Variants in IL12RB2 observed in about 807,000 individuals in gnomAD.
The protein encoded by IL12RB2 is interleukin-12 receptor subunit beta-2.
IL12RB2 carries 82 observed loss-of-function variants against 89.4 expected under a neutral mutation model. That is an observed-to-expected ratio of 0.92 (90% CI 0.77 to 1.10). IL12RB2 has a LOEUF of 1.10. IL12RB2 is among the 50% of genes least tolerant of loss of function. The pLI is 0.00. For synonymous variants in IL12RB2, 368 were observed against 370.1 expected (o/e 0.99, Z 0.07); for missense variants, 963 against 1,031.9 (o/e 0.93, Z 0.92).
At chr1:67,342,744 A>C (rs1659784815) in intron 9 of IL12RB2, among the ~76,000 whole-genome samples, 1 of 142,574 alleles carries the variant, frequency 7.0e-6, no homozygotes, top group Admixed American at 7.3e-5. Context: ...ATCTTGTACT[A>C]CTTTTTAAAA....
rs1206626828 is a variant in IL12RB2 at position 67,321,774 on chromosome 1, C to T, written c.249C>T (p.His83=). 1.4e-5 allele frequency: 23 copies of T among 1,611,218 alleles called. No homozygotes were observed. Among genetic ancestry groups the T allele is most frequent in the East Asian group, 4.5e-5 (2 of 44,866 alleles). The change falls in exon 4 of 17, where the codon CAC becomes CAT. Residue 83 remains histidine, a synonymous_variant. Transcript: ENST00000674203. The part of the protein sequence containing the change: ...FDRRINFHHG[H]SLNSQVTGLP... ...GAAGAATCAATTTTCACCATGGCCA[C>T]TCCCTCAATTCTCAAGTCACAGGTC...
intron 10 of IL12RB2, among the ~76,000 whole-genome samples, chr1:67,367,455 G>C (rs976804213): frequency 5.0e-5 from 4 of 79,780 alleles, no homozygotes; most frequent in African/African-American, 1.7e-4. Context: ...AGGAAGGAAA[G>C]GAACGAGGGA....
intron 4 of IL12RB2, among the ~76,000 whole-genome samples, chr1:67,322,434 A>G (rs1418282307): frequency 2.7e-5 from 1 of 36,660 alleles, no homozygotes; most frequent in Non-Finnish European, 9.1e-5. Context: ...AACTGACTCC[A>G]GCAAAAAAAA....
chr1:67,328,305 T>C lies in IL12RB2; in HGVS notation c.585T>C (p.Asn195=). ...TCACCCCTGAATCACCTGAATCCAA[T>C]TTCACAGCCAAGGTTACTGCTGTCA... ...INLTPESPES[N]FTAKVTAVNS... is the part of the protein sequence containing the mutation. The change falls in exon 6 of 17, where the codon AAT becomes AAC. Residue 195 remains asparagine, a synonymous_variant. Transcript: ENST00000674203. The C allele has an allele frequency of 6.2e-7, 1 of 1,614,184 alleles. No homozygotes were observed. Among genetic ancestry groups the C allele is most frequent in the Non-Finnish European group, 8.5e-7 (1 of 1,180,024 alleles).
Position 67,397,155 on chromosome 1 carries a change from C to T in IL12RB2, c.*1066C>T, listed in dbSNP as rs568836818. ...AAAGAAAAAAAAAAAAAAGAATGTACCTTTTTCCTAGATTTGCTGGTTTAT... is the reference window on the plus strand; with the variant it reads ...AAAGAAAAAAAAAAAAAAGAATGTATCTTTTTCCTAGATTTGCTGGTTTAT... On this transcript the variant is annotated 3_prime_UTR_variant, in exon 17 of 17. Transcript: ENST00000674203. Among the ~76,000 whole-genome samples, 3 of 151,804 alleles carry T rather than the reference C, an allele frequency of 2.0e-5. No individual in the cohort carries two copies. Among genetic ancestry groups the T allele is most frequent in the African/African-American group, 4.8e-5 (2 of 41,400 alleles).
chr1:67,379,486 G>T (rs1664340377), intron 13 of IL12RB2, among the ~76,000 whole-genome samples: 1 of 127,560 alleles, frequency 7.8e-6, no homozygotes, highest in Admixed American at 9.8e-5. Flanking sequence ...CTCCAGCCTG[G>T]GCGACAGAGC....
intron 1 of IL12RB2, among the ~76,000 whole-genome samples, chr1:67,312,962 G>T (rs112401754): frequency 0.035 from 5,401 of 152,300 alleles, 126 homozygotes; most frequent in Admixed American, 0.065. Context: ...AGTAGAAAAG[G>T]TTATGCATTT....
rs1225873818 is a variant in IL12RB2 at position 67,350,970 on chromosome 1, A to G, written c.1139A>G (p.His380Arg). ...GKAMTQNITG[H>R]TSWTTVIPRT... ...GCCATGACACAGAACATCACAGGAC[A>G]CACCTCCTGGACCACAGTCATTCCT... is the stretch of plus-strand genomic sequence containing the variant. Residue 380 changes from histidine (H) to arginine (R), a missense_variant, in exon 10 of 17, where the codon CAC (histidine) becomes CGC (arginine). By Grantham distance (29) the His-to-Arg change is conservative. Transcript: ENST00000674203. The G allele has an allele frequency of 6.2e-7, 1 of 1,614,038 alleles. No homozygotes were observed. The highest frequency in any genetic ancestry group is 1.7e-5 in the Admixed American group (1 of 59,996).
chr1:67,348,183 A>C (rs975456666), intron 9 of IL12RB2, among the ~76,000 whole-genome samples: 2 of 152,140 alleles, frequency 1.3e-5, no homozygotes, highest in South Asian at 4.1e-4. Context: ...AACTCTGGAA[A>C]AAAAGGGATT....
intron 11 of IL12RB2, among the ~76,000 whole-genome samples, chr1:67,369,804 C>T (rs570136376): frequency 5.1e-4 from 78 of 152,070 alleles, no homozygotes; most frequent in African/African-American, 1.6e-3. Context: ...CTTTGGGAGG[C>T]GGAGGTCAGG....
chr1:67,345,329 C>T (rs1167616177), intron 9 of IL12RB2, among the ~76,000 whole-genome samples: 1 of 152,228 alleles, frequency 6.6e-6, no homozygotes, highest in African/African-American at 2.4e-5. Context: ...TACCAATTTA[C>T]GGCACAGCCT....
intron 9 of IL12RB2, among the ~76,000 whole-genome samples, chr1:67,339,669 CAAA>C (rs952947197): frequency 6.6e-6 from 1 of 152,052 alleles, no homozygotes; most frequent in Non-Finnish European, 1.5e-5. Flanking sequence ...TTAATCCTCA[CAAA>C]AATCCCCTGA....
At chr1:67,369,848 C>G (rs1663096120) in intron 11 of IL12RB2, among the ~76,000 whole-genome samples, 1 of 151,650 alleles carries the variant, frequency 6.6e-6, no homozygotes, top group South Asian at 2.1e-4. Context: ...GTGGTGAAAC[C>G]CCATCCCTAC....
At position 67,351,060 on chromosome 1, in the gene IL12RB2, G is replaced by C. The variant is rs201307534; in HGVS notation, c.1229G>C (p.Arg410Pro). The change falls in exon 10 of 17, where the codon CGT becomes CCT. Residue 410 changes from arginine (R) to proline (P), a missense_variant. By Grantham distance (103) the Arg-to-Pro change is moderately radical (BLOSUM62 -2). Transcript: ENST00000674203. ...TCAAAAGGCAGTTCTCTGCCCACTC[G>C]TATTAACATAATGAACCTGTGTGAG... is the stretch of plus-strand genomic sequence containing the variant. ...ANSKGSSLPT[R>P]INIMNLCEAG... The C allele has an allele frequency of 2.5e-6, 4 of 1,613,372 alleles. No homozygotes were observed. The highest frequency in any genetic ancestry group is 3.4e-6 in the Non-Finnish European group (4 of 1,179,866).
rs1660759728 is a variant in IL12RB2, at chr1:67,350,934, C to G, written c.1103C>G (p.Thr368Arg). 6 of 1,613,966 alleles carry G rather than the reference C, an allele frequency of 3.7e-6. No individual in the cohort carries two copies. The highest frequency in any genetic ancestry group is 4.2e-6 in the Non-Finnish European group (5 of 1,179,996). ...LHYQVTLQEL[T>R]GGKAMTQNIT... ...TATCAGGTGACCTTGCAGGAGCTGA[C>G]AGGAGGGAAAGCCATGACACAGAAC... Residue 368 changes from threonine (T) to arginine (R), a missense_variant, in exon 10 of 17, where the codon ACA (threonine) becomes AGA (arginine). Coordinates refer to ENST00000674203, the MANE Select transcript of IL12RB2 (RefSeq NM_001374259.2).
chr1:67,323,893 A>G (rs1347446881), intron 4 of IL12RB2, among the ~76,000 whole-genome samples: 1 of 152,180 alleles, frequency 6.6e-6, no homozygotes, highest in Non-Finnish European at 1.5e-5. Flanking sequence ...TATATTGGAA[A>G]ATTCACAAGG....
At chr1:67,325,570 CT>C (rs770022373) in intron 4 of IL12RB2, among the ~76,000 whole-genome samples, 3 of 152,272 alleles carry the variant, frequency 2.0e-5, no homozygotes, top group Admixed American at 2.0e-4. Context: ...CGAAAAGAGA[CT>C]TTTTTAAAGG....
chr1:67,387,700 C>CAAAAAAA (rs10667103), intron 15 of IL12RB2, among the ~76,000 whole-genome samples: 15 of 100,256 alleles, frequency 1.5e-4, no homozygotes, highest in South Asian at 3.4e-4. Context: ...AAGACTGTCT[C>CAAAAAAA]AAAAAAAAAA....
intron 2 of IL12RB2, among the ~76,000 whole-genome samples, chr1:67,319,566 ACT>A (rs1656222260): frequency 1.3e-5 from 2 of 152,130 alleles, no homozygotes; most frequent in South Asian, 2.1e-4. Flanking sequence ...TGGATCAGAA[ACT>A]CTCACTGGTC....
Sources: allele counts gnomAD v4.1 joint callset (sites outside exome capture counted in the v4.1 genomes callset), GRCh38; gene constraint gnomAD v4.1.1; transcripts MANE v1.5; gene names NCBI Gene and HGNC (gene_info 2026-07-23, HGNC 2026-07-21).